The following PCDHGA5 variants were observed in gnomAD, a reference collection of about 807,000 sequenced individuals.
PCDHGA5 encodes the protein protocadherin gamma subfamily A, 5.
A neutral mutation model predicts 56.7 loss-of-function variants in PCDHGA5; 36 were observed. The observed-to-expected ratio is 0.64, with a 90% CI of 0.49 to 0.84. The LOEUF (loss-of-function observed/expected upper bound fraction) is 0.84, where lower values mean the gene tolerates loss of function less well. Among genes scored for constraint, PCDHGA5 ranks in the 40% least tolerant of loss-of-function variants. The pLI, the probability that PCDHGA5 is intolerant of heterozygous loss-of-function variation, is 0.00. For missense variants in PCDHGA5, 1,305 were observed against 1,201.5 expected, an observed-to-expected ratio of 1.09 and a Z score of -1.27; for synonymous variants, 563 against 520.2, an observed-to-expected ratio of 1.08 and a Z score of -1.12.
chr5:141,365,958 G>A lies in PCDHGA5; in HGVS notation c.1628G>A (p.Ser543Asn), dbSNP rs779781915. The change falls in exon 1 of 4, where the codon AGC (serine) becomes AAC (asparagine). Residue 543 changes from serine to asparagine, a missense_variant. Physicochemically the swap from Ser to Asn is conservative, Grantham distance 46. Transcript: ENST00000518069. ...TASDSGNPPL[S>N]SNVSLSLFVL... ...AGCGACAGTGGGAACCCTCCACTTA[G>A]CAGCAACGTGTCGCTGAGCCTGTTT... The A allele has an allele frequency of 6.8e-6, 11 of 1,614,252 alleles. No homozygotes were observed. The East Asian group carries it at 2.0e-4, about 29-fold the overall frequency.
intron 1 of PCDHGA5, chr5:141,408,742 A>G: frequency 6.2e-7 from 1 of 1,610,074 alleles, no homozygotes; most frequent in Non-Finnish European, 8.5e-7. Flanking sequence ...ATTTTTCATT[A>G]ATGGTTAGAG....
chr5:141,445,048 A>G (rs1364884310), intron 1 of PCDHGA5, among the ~76,000 whole-genome samples: 4 of 152,234 alleles, frequency 2.6e-5, no homozygotes, highest in Non-Finnish European at 5.9e-5. Flanking sequence ...TTTTCAGTGT[A>G]GAGAGGTCAT....
intron 1 of PCDHGA5, chr5:141,421,377 C>T (rs1168242339): frequency 1.9e-6 from 3 of 1,613,924 alleles, no homozygotes; most frequent in South Asian, 1.1e-5. Context: ...GCAATATCTC[C>T]AAGGACCTGG....
In PCDHGA5 at chr5:141,365,777, G is replaced by T. The variant is rs543335678; in HGVS notation, c.1447G>T (p.Asp483Tyr). ...GACAGCCCATGACCCCGACAGCGGC[G>T]ACAACGCTCGAGTCACCTACTCCCT... is the stretch of plus-strand genomic sequence containing the variant. ...SVTAHDPDSG[D>Y]NARVTYSLAE... The change falls in exon 1 of 4, where the codon GAC becomes TAC. Residue 483 changes from aspartate to tyrosine, a missense_variant. Physicochemically the swap from Asp to Tyr is radical, Grantham distance 160. Transcript: ENST00000518069. The T allele has an allele frequency of 6.2e-7, 1 of 1,613,854 alleles. No individual in the cohort carries two copies. Among genetic ancestry groups the T allele is most frequent in the South Asian group, 1.1e-5 (1 of 91,080 alleles).
At chr5:141,383,946 G>A (rs1023403145) in intron 1 of PCDHGA5, 3 of 1,613,696 alleles carry the variant, frequency 1.9e-6, no homozygotes, top group Non-Finnish European at 2.5e-6. Flanking sequence ...AAGTGACTAT[G>A]ACGTCTTTAA....
chr5:141,446,353 T>C (rs1278613929), intron 1 of PCDHGA5, among the ~76,000 whole-genome samples: 2 of 152,176 alleles, frequency 1.3e-5, no homozygotes, highest in Non-Finnish European at 2.9e-5. Flanking sequence ...AAGCTACCAT[T>C]TGATGAGAAT....
At chr5:141,398,747 AC>A in intron 1 of PCDHGA5, 1 of 1,613,496 alleles carries the variant, frequency 6.2e-7, no homozygotes, top group Middle Eastern at 1.6e-4. Context: ...CAACAGAGTT[AC>A]CATCGTTTAG....
chr5:141,441,918 C>A (rs1183933153), intron 1 of PCDHGA5: 8 of 351,246 alleles, frequency 2.3e-5, no homozygotes, highest in African/African-American at 1.1e-4. Flanking sequence ...ATGTGAGACA[C>A]AATGCGTGGC....
chr5:141,404,429 G>A (rs760246804), intron 1 of PCDHGA5: 1 of 1,613,682 alleles, frequency 6.2e-7, no homozygotes, highest in East Asian at 2.2e-5. Flanking sequence ...CTCCTTGGCA[G>A]AGGATACCAT....
At chr5:141,426,398 C>A (rs1264385461) in intron 1 of PCDHGA5, 3 of 257,270 alleles carry the variant, frequency 1.2e-5, no homozygotes, top group Non-Finnish European at 2.3e-5. Context: ...TACTCTATTC[C>A]AGAAGAAACG....
chr5:141,476,743 T>A lies in PCDHGA5; in HGVS notation c.2422-18064T>A. On this transcript the variant is annotated intron_variant, in intron 1 of 3. Coordinates refer to ENST00000518069, the MANE Select transcript of PCDHGA5 (RefSeq NM_018918.3). The surrounding 1 kb of genome is among the most constrained non-coding windows in gnomAD (Gnocchi z 7.6). ...CCCTGGACCGAGAACGGGAGCCTAG[T>A]CTCCAGTTAGTGCTGACGGCGTTGG... is the stretch of plus-strand genomic sequence containing the variant. The A allele has an allele frequency of 6.2e-7, 1 of 1,613,932 alleles. No individual in the cohort carries two copies. The highest frequency in any genetic ancestry group is 1.1e-5 in the South Asian group (1 of 91,064).
chr5:141,472,852 G>A (rs1354948628), intron 1 of PCDHGA5, among the ~76,000 whole-genome samples: 1 of 151,160 alleles, frequency 6.6e-6, no homozygotes, highest in African/African-American at 2.4e-5. Flanking sequence ...TGGGCATGGT[G>A]GCACATGCCT....
chr5:141,421,280 G>T (rs564480755), intron 1 of PCDHGA5: 1 of 1,612,948 alleles, frequency 6.2e-7, no homozygotes, highest in African/African-American at 1.3e-5. Context: ...CTGCTGCTGT[G>T]CATTTTCCTG....
At chr5:141,447,238 C>G (rs1028683423) in intron 1 of PCDHGA5, among the ~76,000 whole-genome samples, 2 of 152,148 alleles carry the variant, frequency 1.3e-5, no homozygotes, top group Non-Finnish European at 2.9e-5. Context: ...CTCCCGGGTT[C>G]AAGTGATTCT....
At position 141,364,306 on chromosome 5, in the gene PCDHGA5, G is replaced by A. The variant is rs760708821; in HGVS notation, c.-25G>A. Reference sequence around the variant, plus strand: ...AAACAGCAGGCTGAACCAGAACTAAGAGAAAATTGGGCAGAGAGAAGGCAA... The same window carrying A: ...AAACAGCAGGCTGAACCAGAACTAAAAGAAAATTGGGCAGAGAGAAGGCAA... On this transcript the variant is annotated 5_prime_UTR_variant, in exon 1 of 4. Coordinates refer to ENST00000518069, the MANE Select transcript of PCDHGA5 (RefSeq NM_018918.3). 2.6e-6 allele frequency: 4 copies of A among 1,522,568 alleles called. No homozygotes were observed. The highest frequency in any genetic ancestry group is 4.5e-5 in the East Asian group (2 of 44,120). The allele number at this position is 1,522,568 out of a possible 1,614,324, so 94.3% of individuals were successfully genotyped here.
intron 1 of PCDHGA5, chr5:141,395,176 A>G (rs750497200): frequency 1.1e-5 from 18 of 1,614,206 alleles, no homozygotes; most frequent in East Asian, 8.9e-5. Flanking sequence ...TGTGAGAAAA[A>G]TGATTCTTTG....
rs2099610288 is a variant in PCDHGA5, at chr5:141,485,252, G to A, written c.2422-9555G>A. ...GTTCCTCTTTTACCACCTGGGTTAC[G>A]TTTGTGGGCAGATCCGCTACCCGGT... On this transcript the variant is annotated intron_variant, in intron 1 of 3. Coordinates refer to ENST00000518069, the MANE Select transcript of PCDHGA5 (RefSeq NM_018918.3). This position sits in a 1 kb window ranked among gnomAD's most constrained non-coding sequence, Gnocchi z 5.7. 6.2e-7 allele frequency: 1 copy of A among 1,614,042 alleles called. No individual in the cohort carries two copies. The highest frequency in any genetic ancestry group is 1.7e-5 in the Admixed American group (1 of 60,008).
intron 1 of PCDHGA5, chr5:141,375,488 G>A: frequency 6.2e-7 from 1 of 1,613,976 alleles, no homozygotes; most frequent in East Asian, 2.2e-5. Flanking sequence ...CCCCAGGGGT[G>A]CCTCCATCTT....
rs2099705703 is a variant in PCDHGA5, at chr5:141,490,886, C to A, written c.2422-3921C>A. On this transcript the variant is annotated intron_variant, in intron 1 of 3. Transcript: ENST00000518069. This position sits in a 1 kb window ranked among gnomAD's most constrained non-coding sequence, Gnocchi z 5.4. The stretch of plus-strand genomic sequence containing the variant: ...TCTCCCCCATTGCATGCCAACACAT[C>A]TCTGCATGTGTTTGTCCTAGACGAG... The A allele has an allele frequency of 6.2e-7, 1 of 1,613,406 alleles. No homozygotes were observed. Among genetic ancestry groups the A allele is most frequent in the East Asian group, 2.2e-5 (1 of 44,878 alleles).
Sources: allele counts gnomAD v4.1 joint callset (sites outside exome capture counted in the v4.1 genomes callset), GRCh38; gene constraint gnomAD v4.1.1; non-coding constraint Gnocchi (gnomAD v3.1); transcripts MANE v1.5; gene names NCBI Gene and HGNC (gene_info 2026-07-23, HGNC 2026-07-21).